ABI1: variants seen among roughly 807,000 people sequenced by gnomAD.
The protein encoded by ABI1 is abl interactor 1.
A neutral mutation model predicts 54.6 loss-of-function variants in ABI1; 14 were observed. The observed-to-expected ratio is 0.26, with a 90% CI of 0.17 to 0.40. The LOEUF (loss-of-function observed/expected upper bound fraction) is 0.40, where lower values mean the gene tolerates loss of function less well. ABI1 is among the 10% of genes least tolerant of loss of function. ABI1 has a pLI of 1.00. For missense variants in ABI1, 443 were observed against 598.3 expected, an observed-to-expected ratio of 0.74 and a Z score of 2.71; for synonymous variants, 194 against 209.3, an observed-to-expected ratio of 0.93 and a Z score of 0.63.
chr10:26,841,047 C>A (rs906017779), intron 1 of ABI1, among the ~76,000 whole-genome samples: 8 of 152,148 alleles, frequency 5.3e-5, no homozygotes, highest in Admixed American at 3.9e-4. Flanking sequence ...TAAAACATAG[C>A]CACATCCATT....
intron 1 of ABI1, among the ~76,000 whole-genome samples, chr10:26,833,259 C>T (rs779300282): frequency 1.3e-5 from 2 of 152,186 alleles, no homozygotes; most frequent in Non-Finnish European, 2.9e-5. Flanking sequence ...CAATCAACTG[C>T]TAGCATACTT....
At chr10:26,825,042 C>T (rs1277010982) in intron 1 of ABI1, among the ~76,000 whole-genome samples, 4 of 152,156 alleles carry the variant, frequency 2.6e-5, no homozygotes, top group Non-Finnish European at 5.9e-5. Flanking sequence ...TGGTGGAGGG[C>T]TTTGCCTCCA....
At chr10:26,751,899 G>T in intron 9 of ABI1, 116 bp from the exon 10 acceptor site, 2 of 884,704 alleles carry the variant, frequency 2.3e-6, no homozygotes, top group Non-Finnish European at 3.3e-6. Flanking sequence ...AATAAAACAT[G>T]CAATGATTAG....
chr10:26,807,813 C>T (rs1163211003), intron 2 of ABI1, among the ~76,000 whole-genome samples: 1 of 152,156 alleles, frequency 6.6e-6, no homozygotes, highest in Non-Finnish European at 1.5e-5. Context: ...CAAACCCAGC[C>T]GGGCATGGTG....
At chr10:26,802,974 T>TA (rs1306584591) in intron 2 of ABI1, among the ~76,000 whole-genome samples, 1 of 152,080 alleles carries the variant, frequency 6.6e-6, no homozygotes, top group Non-Finnish European at 1.5e-5. Context: ...ATCAGGAAGA[T>TA]CAAACAGAAG....
chr10:26,798,082 T>C lies in ABI1; in HGVS notation c.286-20841A>G, dbSNP rs190018500. On this transcript the variant is annotated intron_variant, in intron 2 of 10. Transcript: ENST00000376140. ...GAGAGTAAAGAAAATCCAGGGAGAC[T>C]AGGAAAAAGAGAGGACAAAAATTCA... is the stretch of plus-strand genomic sequence containing the variant. Among the ~76,000 whole-genome samples, 33 of 152,028 alleles carry C rather than the reference T, an allele frequency of 2.2e-4. 1 individual carries two copies. The highest frequency in any genetic ancestry group is 4.4e-5 in the Non-Finnish European group (3 of 67,988).
intron 3 of ABI1, 108 bp downstream of exon 3, chr10:26,776,957 C>T: frequency 9.9e-7 from 1 of 1,012,320 alleles, no homozygotes; most frequent in Non-Finnish European, 1.4e-6. Context: ...AATTATAATG[C>T]CAGCTGCTAA....
At chr10:26,761,289 G>A (rs553086473) in intron 7 of ABI1, among the ~76,000 whole-genome samples, 27 of 151,950 alleles carry the variant, frequency 1.8e-4, no homozygotes, top group Admixed American at 1.4e-3. Flanking sequence ...TCTCCGGCTT[G>A]TATAAAAAAG....
chr10:26,847,556 T>C (rs1201205393), intron 1 of ABI1, among the ~76,000 whole-genome samples: 1 of 151,444 alleles, frequency 6.6e-6, no homozygotes, highest in Non-Finnish European at 1.5e-5. Flanking sequence ...CCCAGGAGGT[T>C]GAGGCTGCAG....
At chr10:26,818,995 T>A (rs2047785148) in intron 2 of ABI1, among the ~76,000 whole-genome samples, 2 of 151,860 alleles carry the variant, frequency 1.3e-5, no homozygotes, top group African/African-American at 4.8e-5. Flanking sequence ...TCCGTCTCAA[T>A]AAAAGAAAAA....
intron 1 of ABI1, among the ~76,000 whole-genome samples, chr10:26,841,711 G>A (rs1487939219): frequency 6.6e-6 from 1 of 151,358 alleles, no homozygotes; most frequent in African/African-American, 2.4e-5. Flanking sequence ...CCTGTGTCTG[G>A]CTTATTTCAC....
intron 2 of ABI1, among the ~76,000 whole-genome samples, chr10:26,821,640 A>T (rs1467638598): frequency 6.6e-6 from 1 of 152,162 alleles, no homozygotes; most frequent in East Asian, 1.9e-4. Context: ...TCTACTAAAA[A>T]TACAAAAAAT....
chr10:26,792,610 G>A (rs1843619081), intron 2 of ABI1, among the ~76,000 whole-genome samples: 1 of 152,110 alleles, frequency 6.6e-6, no homozygotes, highest in African/African-American at 2.4e-5. Flanking sequence ...TTTTTAAATG[G>A]TCAAGCAAGG....
At position 26,762,167 on chromosome 10, in the gene ABI1, C is replaced by T. The variant is rs569026159; in HGVS notation, c.821-2929G>A. ...GGCTACAGGCATGCATCACCATGCC[C>T]GGCTAAATTTTTTGTATTTTTTGCA... On this transcript the variant is annotated intron_variant, in intron 7 of 10. Transcript: ENST00000376140. Among the ~76,000 whole-genome samples, 6 of 152,188 alleles carry T rather than the reference C, an allele frequency of 3.9e-5. No individual in the cohort carries two copies. In the East Asian group the frequency reaches 7.7e-4, roughly 20 times the overall value.
At chr10:26,787,692 C>T (rs1303262441) in intron 2 of ABI1, among the ~76,000 whole-genome samples, 2 of 152,032 alleles carry the variant, frequency 1.3e-5, no homozygotes, top group Admixed American at 6.5e-5. Context: ...CTTGAATTTC[C>T]TTACTTTCAT....
intron 2 of ABI1, among the ~76,000 whole-genome samples, chr10:26,792,556 G>C (rs1843609483): frequency 6.6e-6 from 1 of 152,174 alleles, no homozygotes; most frequent in Non-Finnish European, 1.5e-5. Flanking sequence ...ATTAAGAGTT[G>C]AAGAAAAGAT....
chr10:26,806,060 AC>A (rs748180431), intron 2 of ABI1, among the ~76,000 whole-genome samples: 24 of 152,150 alleles, frequency 1.6e-4, no homozygotes, highest in Non-Finnish European at 2.4e-4. Context: ...ATGCATCTAT[AC>A]TCCGTATCAA....
chr10:26,810,908 G>A (rs1404338674), intron 2 of ABI1, among the ~76,000 whole-genome samples: 1 of 152,068 alleles, frequency 6.6e-6, no homozygotes, highest in African/African-American at 2.4e-5. Context: ...AAGTAAGGGG[G>A]TAGGGAAAGA....
At chr10:26,777,782 G>T (rs1222139428) in intron 2 of ABI1, among the ~76,000 whole-genome samples, 1 of 151,992 alleles carries the variant, frequency 6.6e-6, no homozygotes, top group Non-Finnish European at 1.5e-5. Flanking sequence ...TCAAAAAAAA[G>T]AGAGAGATTT....
Sources: allele counts gnomAD v4.1 joint callset (sites outside exome capture counted in the v4.1 genomes callset), GRCh38; gene constraint gnomAD v4.1.1; transcripts MANE v1.5; gene names NCBI Gene and HGNC (gene_info 2026-07-23, HGNC 2026-07-21).